Variants in DGKB observed in about 807,000 individuals in gnomAD.
DGKB encodes the protein diacylglycerol kinase beta.
Under a neutral mutation model 114.3 loss-of-function variants are expected in DGKB, and 67 were observed. The ratio of observed to expected loss-of-function variants is 0.59; its 90% CI spans 0.48 to 0.72. The LOEUF (loss-of-function observed/expected upper bound fraction) is 0.72. Among genes scored for constraint, DGKB ranks in the 30% least tolerant of loss-of-function variants. DGKB has a pLI of 0.00. For missense variants in DGKB, 907 were observed against 975.2 expected, an observed-to-expected ratio of 0.93 and a Z score of 0.93; for synonymous variants, 398 against 323.1, an observed-to-expected ratio of 1.23 and a Z score of -2.49.
intron 25 of DGKB, among the ~76,000 whole-genome samples, chr7:14,160,615 G>A (rs1461873972): frequency 6.6e-6 from 1 of 152,112 alleles, no homozygotes; most frequent in Non-Finnish European, 1.5e-5. Flanking sequence ...ACTGCTCAAG[G>A]AAATAAGAGA....
chr7:14,284,877 G>T (rs12666857), intron 23 of DGKB, among the ~76,000 whole-genome samples: 1 of 109,322 alleles, frequency 9.1e-6, no homozygotes, highest in African/African-American at 3.5e-5. Flanking sequence ...GGGGGGAGGG[G>T]GGAGGGATAG....
intron 25 of DGKB, among the ~76,000 whole-genome samples, chr7:14,150,413 G>A (rs1412256975): frequency 1.3e-5 from 2 of 152,058 alleles, no homozygotes; most frequent in African/African-American, 2.4e-5. Flanking sequence ...TGTACATCAC[G>A]TGGACAGGAT....
chr7:14,840,271 C>G (rs1195711259), intron 2 of DGKB, among the ~76,000 whole-genome samples: 1 of 151,950 alleles, frequency 6.6e-6, no homozygotes, highest in Non-Finnish European at 1.5e-5. Flanking sequence ...TCCCTGTCAC[C>G]ATGTTATTCT....
intron 23 of DGKB, among the ~76,000 whole-genome samples, chr7:14,182,164 T>A (rs1782721496): frequency 6.6e-6 from 1 of 152,118 alleles, no homozygotes; most frequent in Non-Finnish European, 1.5e-5. Flanking sequence ...ACGTTTTAAT[T>A]ATCCACAATA....
At chr7:14,576,230 A>G (rs1306529532) in intron 19 of DGKB, among the ~76,000 whole-genome samples, 1 of 152,144 alleles carries the variant, frequency 6.6e-6, no homozygotes, top group African/African-American at 2.4e-5. Context: ...TAATATGCAT[A>G]TAACTGTACT....
At chr7:14,371,325 C>A (rs1286294978) in intron 21 of DGKB, among the ~76,000 whole-genome samples, 1 of 152,144 alleles carries the variant, frequency 6.6e-6, no homozygotes, top group African/African-American at 2.4e-5. Flanking sequence ...TGCAGCCTCA[C>A]CAGCATCTGT....
At chr7:14,913,192 G>C (rs181383970) in intron 1 of DGKB, among the ~76,000 whole-genome samples, 15 of 151,988 alleles carry the variant, frequency 9.9e-5, no homozygotes, top group Admixed American at 9.2e-4. Context: ...TGATGGCGAT[G>C]TGACCTTTTC....
intron 1 of DGKB, among the ~76,000 whole-genome samples, chr7:14,845,574 T>A (rs911752500): frequency 5.9e-5 from 9 of 152,206 alleles, no homozygotes; most frequent in Non-Finnish European, 1.0e-4. Flanking sequence ...GAATTTTTGT[T>A]CATTTGTTCA....
chr7:14,369,029 C>A (rs1351928075), intron 21 of DGKB, among the ~76,000 whole-genome samples: 1 of 151,986 alleles, frequency 6.6e-6, no homozygotes, highest in Non-Finnish European at 1.5e-5. Flanking sequence ...TCATCAACCC[C>A]CCATCTACAT....
chr7:14,390,606 G>A (rs1307227328), intron 21 of DGKB, among the ~76,000 whole-genome samples: 2 of 152,056 alleles, frequency 1.3e-5, no homozygotes, highest in African/African-American at 4.8e-5. Flanking sequence ...GAGCCACAAA[G>A]ACAAAAATGA....
At chr7:14,856,020 C>CACACACACACACCA (rs3036255) in intron 1 of DGKB, among the ~76,000 whole-genome samples, 12 of 148,924 alleles carry the variant, frequency 8.1e-5, no homozygotes, top group African/African-American at 2.7e-4. Flanking sequence ...CACACACACA[C>CACACACACACACCA]ATAATTAACA....
At chr7:14,603,180 C>T (rs1419963651) in intron 17 of DGKB, among the ~76,000 whole-genome samples, 1 of 152,094 alleles carries the variant, frequency 6.6e-6, no homozygotes, top group Admixed American at 6.6e-5. Context: ...CATACTCCAT[C>T]ACTCCAGTGA....
chr7:14,390,337 T>C (rs1277385406), intron 21 of DGKB, among the ~76,000 whole-genome samples: 2 of 152,214 alleles, frequency 1.3e-5, no homozygotes, highest in Non-Finnish European at 2.9e-5. Context: ...CTAATTTTAC[T>C]TTAATAATTT....
At chr7:14,671,376 AC>A (rs1563860308) in intron 13 of DGKB, among the ~76,000 whole-genome samples, 1 of 152,204 alleles carries the variant, frequency 6.6e-6, no homozygotes, top group Non-Finnish European at 1.5e-5. Flanking sequence ...AGATAGTACC[AC>A]AAAAATGGTA....
intron 23 of DGKB, among the ~76,000 whole-genome samples, chr7:14,229,761 A>C (rs78785126): frequency 0.013 from 1,950 of 152,078 alleles, 25 homozygotes; most frequent in South Asian, 0.028. Flanking sequence ...GTCTCTAAGC[A>C]TAAAGTTGTT....
intron 13 of DGKB, among the ~76,000 whole-genome samples, chr7:14,672,168 C>A (rs1819072875): frequency 6.6e-6 from 1 of 151,886 alleles, no homozygotes; most frequent in African/African-American, 2.4e-5. Flanking sequence ...TCTATCATTT[C>A]TTAGTTGTTA....
chr7:14,753,146 T>C (rs371345385), intron 4 of DGKB, among the ~76,000 whole-genome samples: 1 of 152,174 alleles, frequency 6.6e-6, no homozygotes, highest in Non-Finnish European at 1.5e-5. Flanking sequence ...CAGTGGCTGT[T>C]GTCATTAAAA....
At chr7:14,229,034 C>G (rs796527325) in intron 23 of DGKB, among the ~76,000 whole-genome samples, 3 of 151,854 alleles carry the variant, frequency 2.0e-5, no homozygotes, top group African/African-American at 7.2e-5. Context: ...ATACACAAAA[C>G]CAATGTATAT....
intron 4 of DGKB, among the ~76,000 whole-genome samples, chr7:14,738,077 C>T (rs1435293478): frequency 6.6e-6 from 1 of 152,208 alleles, no homozygotes; most frequent in African/African-American, 2.4e-5. Flanking sequence ...AACAGTCAGA[C>T]ATGGGATCCA....
Sources: gnomAD v4.1 joint callset for allele counts (sites outside exome capture counted in the v4.1 genomes callset) on GRCh38, gnomAD v4.1.1 for gene constraint, MANE v1.5 for transcripts, NCBI Gene and HGNC (gene_info 2026-07-23, HGNC 2026-07-21) for gene names.